AFF3: variants seen among roughly 807,000 people sequenced by gnomAD.
AFF3 encodes the protein AF4/FMR2 family member 3.
A neutral mutation model predicts 129.7 loss-of-function variants in AFF3; 32 were observed. The observed-to-expected ratio is 0.25, with a 90% CI of 0.19 to 0.33. The LOEUF is 0.33. Among genes scored for constraint, AFF3 ranks in the 10% least tolerant of loss-of-function variants. The probability of loss-of-function intolerance (pLI) is 1.00; values close to 1 mark genes in which losing one functional copy is unlikely to be tolerated. For missense variants in AFF3, 1,373 were observed against 1,592.0 expected, an observed-to-expected ratio of 0.86 and a Z score of 2.34; for synonymous variants, 644 against 635.4, an observed-to-expected ratio of 1.01 and a Z score of -0.20.
intron 7 of AFF3, among the ~76,000 whole-genome samples, chr2:99,899,900 A>G (rs1412135477): frequency 6.6e-6 from 1 of 152,206 alleles, no homozygotes; most frequent in Non-Finnish European, 1.5e-5. Context: ...CACGTCTGGA[A>G]ATGGCAGAAC....
intron 7 of AFF3, among the ~76,000 whole-genome samples, chr2:99,942,920 C>T (rs935442881): frequency 1.3e-5 from 2 of 152,096 alleles, no homozygotes; most frequent in African/African-American, 4.8e-5. Context: ...ATATGGATGC[C>T]GTCTCCCTCC....
chr2:100,072,248 A>T (rs1559105362), intron 4 of AFF3, among the ~76,000 whole-genome samples: 1 of 152,148 alleles, frequency 6.6e-6, no homozygotes, highest in Non-Finnish European at 1.5e-5. Flanking sequence ...GCGGCATTAG[A>T]TTCTCATAGG....
intron 4 of AFF3, among the ~76,000 whole-genome samples, chr2:100,049,932 G>A (rs190132728): frequency 2.8e-4 from 43 of 152,240 alleles, no homozygotes; most frequent in African/African-American, 1.0e-3. Flanking sequence ...GCAGTTACTC[G>A]GCCAGGCGTA....
chr2:99,769,198 TC>T (rs1683264903), intron 8 of AFF3, among the ~76,000 whole-genome samples: 1 of 152,182 alleles, frequency 6.6e-6, no homozygotes, highest in Non-Finnish European at 1.5e-5. Context: ...TTTTCTTTTG[TC>T]TTTGCCGATC....
intron 10 of AFF3, among the ~76,000 whole-genome samples, chr2:99,732,687 C>A (rs992488872): frequency 6.6e-6 from 1 of 152,162 alleles, no homozygotes; most frequent in Admixed American, 6.5e-5. Flanking sequence ...AACAATAGAA[C>A]TGCAAACATT....
rs745981567 is a variant in AFF3, at chr2:99,554,726, A to G, written c.3292T>C (p.Ser1098Pro). The G allele has an allele frequency of 1.2e-6, 2 of 1,614,192 alleles. No homozygotes were observed. Among genetic ancestry groups the G allele is most frequent in the Admixed American group, 3.3e-5 (2 of 60,022 alleles). ...KALIDYFKNSSKAAQAPSPWG... is the reference protein window; with the variant it reads ...KALIDYFKNSPKAAQAPSPWG... The stretch of plus-strand genomic sequence containing the variant: ...GGAGATGGGGCTTGGGCGGCTTTAG[A>G]TGAGTTCTGCAAGAAAATAAAAACA... Residue 1098 changes from serine to proline, a missense_variant, in exon 23 of 25, where the codon TCT (serine) becomes CCT (proline). Around this residue, in one of 9 missense-constraint regions of AFF3, gnomAD observed 165 missense variants for 234.0 expected, o/e 0.71. Transcript: ENST00000672756.
intron 7 of AFF3, among the ~76,000 whole-genome samples, chr2:99,981,326 T>A (rs1679383138): frequency 6.6e-6 from 1 of 152,204 alleles, no homozygotes; most frequent in Non-Finnish European, 1.5e-5. Flanking sequence ...CCCAAAATCA[T>A]GTTTTAATAT....
chr2:99,923,249 C>T (rs997995160), intron 7 of AFF3, among the ~76,000 whole-genome samples: 1 of 152,142 alleles, frequency 6.6e-6, no homozygotes, highest in Admixed American at 6.5e-5. Context: ...TCTATTCAGA[C>T]CATACTGCTC....
In AFF3 at chr2:99,827,321, G is replaced by T. The variant is rs995505886; in HGVS notation, c.921+10156C>A. ...GGGACTTACAGGAAGACAGGTCCACGTAGGAGACCCAGGAGAAAGGACCAC... is the reference window on the plus strand; with the variant it reads ...GGGACTTACAGGAAGACAGGTCCACTTAGGAGACCCAGGAGAAAGGACCAC... On this transcript the variant is annotated intron_variant, in intron 8 of 24. Coordinates refer to ENST00000672756, the MANE Select transcript of AFF3 (RefSeq NM_001386135.1). 5.3e-5 allele frequency among the ~76,000 whole-genome samples: 8 copies of T among 152,138 alleles called. No homozygotes were observed. The East Asian group carries it at 1.5e-3, about 29-fold the overall frequency.
intron 7 of AFF3, among the ~76,000 whole-genome samples, chr2:99,931,770 A>C (rs563550428): frequency 6.6e-6 from 1 of 152,268 alleles, no homozygotes; most frequent in South Asian, 2.1e-4. Flanking sequence ...TTAGCCAGGC[A>C]TGGTGGCGGG....
intron 8 of AFF3, among the ~76,000 whole-genome samples, chr2:99,824,766 T>C (rs1029222874): frequency 6.6e-6 from 1 of 152,166 alleles, no homozygotes; most frequent in African/African-American, 2.4e-5. Flanking sequence ...CTTAGGAACG[T>C]AGTGCTGGCA....
At chr2:100,119,564 A>T (rs553796179) in intron 2 of AFF3, among the ~76,000 whole-genome samples, 1 of 152,374 alleles carries the variant, frequency 6.6e-6, no homozygotes, top group African/African-American at 2.4e-5. Flanking sequence ...GAAAGAGTTC[A>T]ACAATAGTTA....
intron 4 of AFF3, among the ~76,000 whole-genome samples, chr2:100,029,886 G>A (rs1417998255): frequency 7.9e-5 from 12 of 152,056 alleles, no homozygotes; most frequent in Non-Finnish European, 1.3e-4. Context: ...GCAACATGGC[G>A]AAACGCTGAC....
chr2:99,702,939 C>A (rs1369996452), intron 11 of AFF3, among the ~76,000 whole-genome samples: 5 of 152,110 alleles, frequency 3.3e-5, no homozygotes, highest in African/African-American at 4.8e-5. Flanking sequence ...CCAGTTTTTC[C>A]TTTTATGGAT....
chr2:99,620,456 CCT>C (rs1681893089), intron 13 of AFF3, among the ~76,000 whole-genome samples: 1 of 152,098 alleles, frequency 6.6e-6, no homozygotes, highest in African/African-American at 2.4e-5. Context: ...TAGTGAGACC[CCT>C]GTTTCTGCAA....
chr2:99,739,540 T>A (rs973934997), intron 10 of AFF3, among the ~76,000 whole-genome samples: 5 of 152,102 alleles, frequency 3.3e-5, no homozygotes, highest in Admixed American at 6.5e-5. Flanking sequence ...ATGTTAATAT[T>A]CAAGTATCTC....
rs1171540540 is a variant in AFF3 at position 99,587,345 on chromosome 2, C to T, written c.2467-67G>A. On this transcript the variant is annotated intron_variant, in intron 15 of 24. Transcript: ENST00000672756. ...AGAGGTATTATGAGTTCCCAGGCACCGACTTCCACAGAGCAAGGCCTCCTG... is the reference window on the plus strand; with the variant it reads ...AGAGGTATTATGAGTTCCCAGGCACTGACTTCCACAGAGCAAGGCCTCCTG... 8.2e-6 allele frequency: 13 copies of T among 1,586,520 alleles called. No individual in the cohort carries two copies. In the East Asian group the frequency reaches 1.6e-4, roughly 19 times the overall value.
chr2:99,609,356 T>C (rs1281814904), intron 13 of AFF3, among the ~76,000 whole-genome samples: 2 of 152,084 alleles, frequency 1.3e-5, no homozygotes, highest in Non-Finnish European at 2.9e-5. Context: ...CTGAGCCCAA[T>C]TTGTAGTCTT....
chr2:99,562,706 G>C (rs1487554849), intron 20 of AFF3, among the ~76,000 whole-genome samples: 1 of 152,186 alleles, frequency 6.6e-6, no homozygotes, highest in African/African-American at 2.4e-5. Context: ...TGATGAGTGA[G>C]TTCCTATGGT....
Sources: allele counts gnomAD v4.1 joint callset (sites outside exome capture counted in the v4.1 genomes callset), GRCh38; gene constraint gnomAD v4.1.1; regional missense constraint gnomAD v4.1.1; transcripts MANE v1.5; gene names NCBI Gene and HGNC (gene_info 2026-07-23, HGNC 2026-07-21).